RIMS4: variants seen among roughly 807,000 people sequenced by gnomAD.
RIMS4 encodes the protein regulating synaptic membrane exocytosis 4, also known as regulating synaptic membrane exocytosis protein 4.
RIMS4 carries 9 observed loss-of-function variants against 29.0 expected under a neutral mutation model. The observed-to-expected ratio is 0.31, with a 90% confidence interval of 0.19 to 0.54. RIMS4 has a LOEUF of 0.54. RIMS4 is among the 20% of genes least tolerant of loss of function. The pLI, the probability that RIMS4 is intolerant of heterozygous loss-of-function variation, is 0.94. For missense variants in RIMS4, 193 were observed against 365.7 expected (o/e 0.53, Z 3.85); for synonymous variants, 130 against 152.9 (o/e 0.85, Z 1.10).
rs185701855 is a variant in RIMS4, at chr20:44,804,535, G to A, written c.97+5640C>T. Among the ~76,000 whole-genome samples the A allele has an allele frequency of 5.0e-3, 768 of 152,288 alleles. 6 individuals are homozygous for A. Among genetic ancestry groups the A allele is most frequent in the Middle Eastern group, 6.8e-3 (2 of 294 alleles). On this transcript the variant is annotated intron_variant, in intron 1 of 5. Coordinates refer to ENST00000372851, the MANE Select transcript of RIMS4 (RefSeq NM_182970.4). ...GACATGATGAAATGATGGTTGCTAC[G>A]GCCATAAAGAAAAGACACAGAGGAG...
intron 2 of RIMS4, among the ~76,000 whole-genome samples, chr20:44,769,272 T>C (rs1311543751): frequency 6.6e-6 from 1 of 152,208 alleles, no homozygotes; most frequent in Non-Finnish European, 1.5e-5. Context: ...CTCCCCTTGG[T>C]CATGTGGCCT....
At chr20:44,780,584 T>A (rs1030545376) in intron 1 of RIMS4, among the ~76,000 whole-genome samples, 3 of 152,184 alleles carry the variant, frequency 2.0e-5, no homozygotes, top group Non-Finnish European at 4.4e-5. Context: ...TGCTCAGCAC[T>A]CATCATTTCA....
At chr20:44,802,476 C>T (rs967920868) in intron 1 of RIMS4, among the ~76,000 whole-genome samples, 3 of 152,126 alleles carry the variant, frequency 2.0e-5, no homozygotes, top group East Asian at 1.9e-4. Flanking sequence ...TCTTTCTGTC[C>T]GTCCATGGAA....
At chr20:44,760,423 T>C (rs2066079264) in intron 2 of RIMS4, among the ~76,000 whole-genome samples, 1 of 152,144 alleles carries the variant, frequency 6.6e-6, no homozygotes, top group Admixed American at 6.5e-5. Context: ...GAGGAACATA[T>C]GATCCAGGTG....
intron 1 of RIMS4, among the ~76,000 whole-genome samples, chr20:44,795,701 G>A (rs909091070): frequency 3.9e-5 from 6 of 152,064 alleles, no homozygotes; most frequent in Non-Finnish European, 8.8e-5. Flanking sequence ...ATGAGTGAAT[G>A]GAAGTGAAGT....
chr20:44,757,075 G>A (rs1791871563), intron 4 of RIMS4, 38 bp from the exon 5 acceptor site: 2 of 1,601,658 alleles, frequency 1.2e-6, no homozygotes, highest in Non-Finnish European at 1.7e-6. Flanking sequence ...TTCTAGTTTG[G>A]CCCTCAAATG....
chr20:44,778,860 C>A (rs754659991), intron 1 of RIMS4, among the ~76,000 whole-genome samples: 2 of 152,162 alleles, frequency 1.3e-5, no homozygotes, highest in African/African-American at 2.4e-5. Context: ...AGTTACTCAA[C>A]CTCTCTGTGG....
At chr20:44,801,542 C>T (rs1377453588) in intron 1 of RIMS4, among the ~76,000 whole-genome samples, 1 of 152,184 alleles carries the variant, frequency 6.6e-6, no homozygotes, top group Non-Finnish European at 1.5e-5. Context: ...ACATAGCCCT[C>T]CCTTTTCCCA....
chr20:44,762,545 T>C (rs17404096), intron 2 of RIMS4, among the ~76,000 whole-genome samples: 39,998 of 152,140 alleles, frequency 0.26, 5,758 homozygotes, highest in South Asian at 0.34. Context: ...AACGTCATCA[T>C]TGTCTGCTTC....
intron 2 of RIMS4, among the ~76,000 whole-genome samples, chr20:44,761,878 C>A (rs944614945): frequency 6.6e-6 from 1 of 152,266 alleles, no homozygotes; most frequent in South Asian, 2.1e-4. Context: ...AATAAAGTCA[C>A]GTAAGTGTCT....
At chr20:44,770,394 T>C (rs1443551536) in intron 2 of RIMS4, among the ~76,000 whole-genome samples, 1 of 152,136 alleles carries the variant, frequency 6.6e-6, no homozygotes, top group Non-Finnish European at 1.5e-5. Context: ...TGATAACCCC[T>C]ACAGTTATGA....
At position 44,753,329 on chromosome 20, in the gene RIMS4, C is replaced by T. The variant is rs973874883; in HGVS notation, c.*2805G>A. On this transcript the variant is annotated 3_prime_UTR_variant, in exon 6 of 6. Transcript: ENST00000372851. ...GAGGGGACCCAGGCTGGGGGTGCCA[C>T]TGAACACACAGGTGACTCCAGGGGT... 7 of 152,526 alleles carry T rather than the reference C, an allele frequency of 4.6e-5. No individual in the cohort carries two copies. Among genetic ancestry groups the T allele is most frequent in the East Asian group, 1.9e-4 (1 of 5,184 alleles). The allele number at this position is 152,526 out of a possible 1,614,324, so 9.4% of individuals were successfully genotyped here.
At chr20:44,765,306 C>A (rs1016700305) in intron 2 of RIMS4, among the ~76,000 whole-genome samples, 1 of 152,144 alleles carries the variant, frequency 6.6e-6, no homozygotes, top group Admixed American at 6.5e-5. Flanking sequence ...CGGGGTCAGG[C>A]AGGCCTGGAA....
At chr20:44,760,663 C>T (rs2066080531) in intron 2 of RIMS4, among the ~76,000 whole-genome samples, 1 of 152,184 alleles carries the variant, frequency 6.6e-6, no homozygotes, top group Non-Finnish European at 1.5e-5. Flanking sequence ...TCAGCTGGTA[C>T]ACCAGGTGTT....
At chr20:44,760,022 G>A (rs772736998) in intron 2 of RIMS4, among the ~76,000 whole-genome samples, 2 of 152,254 alleles carry the variant, frequency 1.3e-5, no homozygotes, top group African/African-American at 2.4e-5. Flanking sequence ...AGGAGGTAGA[G>A]AGCAAGAGAC....
At chr20:44,764,165 T>C (rs868357610) in intron 2 of RIMS4, among the ~76,000 whole-genome samples, 27 of 90,504 alleles carry the variant, frequency 3.0e-4, no homozygotes, top group African/African-American at 6.9e-4. Context: ...CATCCATCCA[T>C]CCATCCATCC....
chr20:44,800,502 C>T (rs1371081173), intron 1 of RIMS4, among the ~76,000 whole-genome samples: 1 of 151,998 alleles, frequency 6.6e-6, no homozygotes, highest in East Asian at 1.9e-4. Flanking sequence ...GTTGTAGCAT[C>T]TGCATATATT....
At chr20:44,789,746 G>T (rs2066224895) in intron 1 of RIMS4, among the ~76,000 whole-genome samples, 1 of 152,144 alleles carries the variant, frequency 6.6e-6, no homozygotes, top group Non-Finnish European at 1.5e-5. Context: ...TAGAGATGGT[G>T]GTCTTGCTAT....
intron 1 of RIMS4, among the ~76,000 whole-genome samples, chr20:44,783,264 A>G (rs982921606): frequency 2.0e-5 from 3 of 152,248 alleles, no homozygotes; most frequent in Non-Finnish European, 4.4e-5. Context: ...CTGAATGGCC[A>G]TCCATGGACG....
Sources: allele counts gnomAD v4.1 joint callset (sites outside exome capture counted in the v4.1 genomes callset), GRCh38; gene constraint gnomAD v4.1.1; transcripts MANE v1.5; gene names NCBI Gene and HGNC (gene_info 2026-07-23, HGNC 2026-07-21).